Variants in GFRA2 observed in about 807,000 individuals in gnomAD.
GFRA2 encodes GDNF family receptor alpha-2.
A neutral mutation model predicts 48.3 loss-of-function variants in GFRA2; 17 were observed. The ratio of observed to expected loss-of-function variants is 0.35; its 90% confidence interval spans 0.24 to 0.53. The LOEUF is 0.53. Ranked by LOEUF, GFRA2 falls within the 20% of genes least tolerant of loss-of-function variation. The probability of loss-of-function intolerance (pLI) is 0.93; values close to 1 mark genes in which losing one functional copy is unlikely to be tolerated. For missense variants in GFRA2, 660 were observed against 637.3 expected, an observed-to-expected ratio of 1.04 and a Z score of -0.38; for synonymous variants, 305 against 257.2, an observed-to-expected ratio of 1.19 and a Z score of -1.78.
chr8:21,747,614 A>G (rs958841181), intron 4 of GFRA2, among the ~76,000 whole-genome samples: 11 of 152,034 alleles, frequency 7.2e-5, no homozygotes, highest in Middle Eastern at 3.4e-3. Context: ...CAGTGTGCAC[A>G]GGGCCCCAGC....
intron 1 of GFRA2, among the ~76,000 whole-genome samples, chr8:21,785,510 A>C (rs2117083233): frequency 6.6e-6 from 1 of 152,244 alleles, no homozygotes; most frequent in East Asian, 1.9e-4. Flanking sequence ...CCAAATCCTA[A>C]ATTAGGAGAA....
At chr8:21,788,086 C>T in intron 1 of GFRA2, 34 bp downstream of exon 1, 1 of 1,297,704 alleles carries the variant, frequency 7.7e-7, no homozygotes, top group Non-Finnish European at 1.1e-6. Context: ...GGCTTCTCGC[C>T]TCCCCCTCGA....
chr8:21,774,841 G>A (rs1244201406), intron 3 of GFRA2, 131 bp downstream of exon 3: 33 of 648,370 alleles, frequency 5.1e-5, no homozygotes, highest in South Asian at 2.6e-4. Flanking sequence ...GCTCAGAACC[G>A]TTGAGGGACG....
chr8:21,723,639 G>A (rs73552702), intron 4 of GFRA2, among the ~76,000 whole-genome samples: 17,801 of 152,212 alleles, frequency 0.12, 1,122 homozygotes, highest in South Asian at 0.22. Flanking sequence ...TCTCCAGTGG[G>A]TGGAAGGAAC....
intron 3 of GFRA2, among the ~76,000 whole-genome samples, 151 bp from the exon 4 acceptor site, chr8:21,751,093 T>G (rs968912450): frequency 6.6e-6 from 1 of 152,174 alleles, no homozygotes; most frequent in African/African-American, 2.4e-5. Context: ...TGGGGATCAC[T>G]TCACAGGACC....
chr8:21,795,891 A>G (rs1321385428), intron 2 of GFRA2, among the ~76,000 whole-genome samples: 6 of 152,134 alleles, frequency 3.9e-5, no homozygotes, highest in African/African-American at 1.4e-4. Context: ...GGGCTCATGG[A>G]GGGCAAGGAA....
chr8:21,801,735 C>T (rs1292121148), intron 2 of GFRA2, among the ~76,000 whole-genome samples: 3 of 152,134 alleles, frequency 2.0e-5, no homozygotes, highest in African/African-American at 7.2e-5. Context: ...TCTGACAACT[C>T]ACTAAAACAA....
intron 4 of GFRA2, among the ~76,000 whole-genome samples, chr8:21,739,595 A>C (rs1377189589): frequency 6.6e-6 from 1 of 152,150 alleles, no homozygotes; most frequent in African/African-American, 2.4e-5. Context: ...TGAAGCTGAG[A>C]GCTGGATCCA....
At position 21,705,144 on chromosome 8, in the gene GFRA2, G is replaced by T. The variant is rs371378233; in HGVS notation, c.905-19C>A. On this transcript the variant is annotated intron_variant, in intron 5 of 8. Transcript: ENST00000524240. ...TCAAACCCTGGGCAGGAAGAAAGGT[G>T]GGGGAGAGGAGAGAGGTACGGTGGG... 6 of 1,602,160 alleles carry T rather than the reference G, an allele frequency of 3.7e-6. No individual in the cohort carries two copies. The African/African-American group carries it at 4.0e-5, about 11-fold the overall frequency.
chr8:21,759,408 G>GAGAGGGAAAGAGGGAA (rs144218141), intron 3 of GFRA2, among the ~76,000 whole-genome samples: 1 of 136,464 alleles, frequency 7.3e-6, no homozygotes, highest in Admixed American at 7.3e-5. Flanking sequence ...AAGGAAGAGA[G>GAGAGGGAAAGAGGGAA]AGAGGGAAAG....
chr8:21,748,834 A>T (rs1166432225), intron 4 of GFRA2, among the ~76,000 whole-genome samples: 2 of 152,122 alleles, frequency 1.3e-5, no homozygotes, highest in Non-Finnish European at 2.9e-5. Flanking sequence ...CTTGCCTCCC[A>T]TCACGGCCCA....
intron 4 of GFRA2, among the ~76,000 whole-genome samples, chr8:21,711,576 A>AT (rs1414672827): frequency 3.9e-5 from 6 of 152,254 alleles, no homozygotes; most frequent in Admixed American, 1.3e-4. Flanking sequence ...AAAGGTTGCC[A>AT]TATTAAACGA....
intron 7 of GFRA2, among the ~76,000 whole-genome samples, chr8:21,699,024 C>T (rs1802343729): frequency 6.6e-6 from 1 of 152,228 alleles, no homozygotes; most frequent in Non-Finnish European, 1.5e-5. Context: ...CTACCAGTCC[C>T]GCACGCAGCA....
chr8:21,790,961 C>A (rs1807562239), upstream of GFRA2, among the ~76,000 whole-genome samples: 1 of 152,042 alleles, frequency 6.6e-6, no homozygotes, highest in Admixed American at 6.5e-5. Context: ...ATGAATGTCC[C>A]CCCTCTCATC....
chr8:21,706,654 C>G (rs1185556109), intron 4 of GFRA2, among the ~76,000 whole-genome samples: 1 of 152,160 alleles, frequency 6.6e-6, no homozygotes, highest in Non-Finnish European at 1.5e-5. Flanking sequence ...CCACCCCTAC[C>G]CTAGTCCCAC....
chr8:21,774,736 G>A (rs77703346), intron 3 of GFRA2, among the ~76,000 whole-genome samples: 12,162 of 152,216 alleles, frequency 0.08, 637 homozygotes, highest in East Asian at 0.2. Flanking sequence ...CCTACTCCAT[G>A]ACAGCCACCT....
At chr8:21,749,067 G>T (rs1042506045) in intron 4 of GFRA2, among the ~76,000 whole-genome samples, 24 of 152,262 alleles carry the variant, frequency 1.6e-4, no homozygotes, top group African/African-American at 5.5e-4. Flanking sequence ...ACTGAATTGG[G>T]ATTACCACTC....
intron 3 of GFRA2, among the ~76,000 whole-genome samples, chr8:21,758,308 T>C (rs375932189): frequency 3.5e-4 from 53 of 152,198 alleles, no homozygotes; most frequent in Middle Eastern, 3.4e-3. Flanking sequence ...AGGCACGCCC[T>C]TCAACTGTTT....
intron 3 of GFRA2, among the ~76,000 whole-genome samples, chr8:21,751,241 A>G (rs995299582): frequency 6.6e-6 from 1 of 152,190 alleles, no homozygotes; most frequent in African/African-American, 2.4e-5. Flanking sequence ...ACAAGCCTAA[A>G]AGGCAAGCAA....
Sources: allele counts gnomAD v4.1 joint callset (sites outside exome capture counted in the v4.1 genomes callset), GRCh38; gene constraint gnomAD v4.1.1; transcripts MANE v1.5; gene names NCBI Gene and HGNC (gene_info 2026-07-23, HGNC 2026-07-21).